CDC42BPA: variants seen among roughly 807,000 people sequenced by gnomAD.
CDC42BPA encodes the protein CDC42 binding protein kinase alpha.
CDC42BPA carries 80 observed loss-of-function variants against 223.5 expected under a neutral mutation model. The ratio of observed to expected loss-of-function variants is 0.36; its 90% confidence interval spans 0.30 to 0.43. The LOEUF (loss-of-function observed/expected upper bound fraction) is 0.43. CDC42BPA is among the 20% of genes least tolerant of loss of function. CDC42BPA has a pLI of 1.00. For missense variants in CDC42BPA, 1,743 were observed against 2,099.9 expected (o/e 0.83, Z 3.32); for synonymous variants, 694 against 718.6 (o/e 0.97, Z 0.55).
intron 1 of CDC42BPA, among the ~76,000 whole-genome samples, chr1:227,304,102 T>A (rs1187542019): frequency 6.6e-6 from 1 of 152,186 alleles, no homozygotes. Context: ...ACTACTCATA[T>A]AAGAAATCAC....
intron 5 of CDC42BPA, among the ~76,000 whole-genome samples, chr1:227,189,843 A>AGTC (rs1165579266): frequency 6.6e-6 from 1 of 152,178 alleles, no homozygotes; most frequent in African/African-American, 2.4e-5. Flanking sequence ...CAGTCTCACT[A>AGTC]GTCCCTTGTT....
At chr1:227,047,185 A>C (rs989435602) in intron 23 of CDC42BPA, among the ~76,000 whole-genome samples, 1 of 152,112 alleles carries the variant, frequency 6.6e-6, no homozygotes, top group Non-Finnish European at 1.5e-5. Context: ...TTTCATGTCA[A>C]GTATTCCCAA....
intron 3 of CDC42BPA, among the ~76,000 whole-genome samples, chr1:227,211,921 A>C (rs1673985682): frequency 6.6e-6 from 1 of 152,158 alleles, no homozygotes; most frequent in Admixed American, 6.6e-5. Context: ...ATAAAAACAA[A>C]AAAAATGTTT....
intron 6 of CDC42BPA, 89 bp downstream of exon 6, chr1:227,160,454 T>C (rs1663673947): frequency 1.1e-6 from 1 of 880,466 alleles, no homozygotes; most frequent in Non-Finnish European, 1.9e-6. Context: ...GTAGATAGTA[T>C]AAATAGATGG....
At chr1:227,003,242 T>C (rs1417847565) in intron 35 of CDC42BPA, among the ~76,000 whole-genome samples, 2 of 152,190 alleles carry the variant, frequency 1.3e-5, no homozygotes, top group African/African-American at 4.8e-5. Context: ...GACTTTTAAA[T>C]GTGAAATTGG....
At chr1:227,042,654 T>TA (rs769440930) in intron 23 of CDC42BPA, among the ~76,000 whole-genome samples, 1 of 152,132 alleles carries the variant, frequency 6.6e-6, no homozygotes, top group South Asian at 2.1e-4. Context: ...TGATCGATCT[T>TA]AGAGTCTAGA....
intron 1 of CDC42BPA, among the ~76,000 whole-genome samples, chr1:227,256,940 T>TACACACACACACACAC (rs1160019576): frequency 3.4e-5 from 4 of 117,528 alleles, no homozygotes; most frequent in African/African-American, 1.3e-4. Flanking sequence ...ATGTGATATA[T>TACACACACACACACAC]ATATACAGAC....
chr1:227,227,000 A>G (rs1331001092), intron 2 of CDC42BPA, among the ~76,000 whole-genome samples: 2 of 152,148 alleles, frequency 1.3e-5, no homozygotes, highest in South Asian at 4.1e-4. Context: ...AAACTCAAGG[A>G]GTCAAGAGAG....
intron 4 of CDC42BPA, 94 bp downstream of exon 4, chr1:227,199,463 A>G (rs1278588678): frequency 1.3e-6 from 1 of 747,554 alleles, no homozygotes. Flanking sequence ...TTAATTTTCT[A>G]TATGAAACCT....
At chr1:227,270,736 C>T (rs1265869072) in intron 1 of CDC42BPA, among the ~76,000 whole-genome samples, 4 of 152,136 alleles carry the variant, frequency 2.6e-5, no homozygotes, top group Admixed American at 6.6e-5. Flanking sequence ...AATTCCCCAT[C>T]CCCTCCCCGA....
At chr1:227,262,226 G>A (rs2148375363) in intron 1 of CDC42BPA, among the ~76,000 whole-genome samples, 1 of 152,132 alleles carries the variant, frequency 6.6e-6, no homozygotes, top group South Asian at 2.1e-4. Context: ...AAAGAACAGA[G>A]ATTTGAAAAT....
At chr1:227,237,428 C>A (rs1245143273) in intron 2 of CDC42BPA, among the ~76,000 whole-genome samples, 1 of 152,078 alleles carries the variant, frequency 6.6e-6, no homozygotes, top group Non-Finnish European at 1.5e-5. Flanking sequence ...TTCTACCTAC[C>A]TCTGTTTAAC....
At chr1:227,243,610 T>C (rs1680376463) in intron 2 of CDC42BPA, among the ~76,000 whole-genome samples, 1 of 152,144 alleles carries the variant, frequency 6.6e-6, no homozygotes, top group Admixed American at 6.6e-5. Flanking sequence ...TTCATGACCT[T>C]GAGGTTAGAA....
At chr1:227,015,573 G>C (rs1017266483) in intron 34 of CDC42BPA, among the ~76,000 whole-genome samples, 5 of 152,020 alleles carry the variant, frequency 3.3e-5, no homozygotes, top group Admixed American at 6.6e-5. Flanking sequence ...ACTTTTTCAC[G>C]TACAACTGAC....
chr1:227,146,523 A>C (rs967367348), intron 7 of CDC42BPA, among the ~76,000 whole-genome samples: 1 of 152,174 alleles, frequency 6.6e-6, no homozygotes, highest in African/African-American at 2.4e-5. Context: ...CAAATTAAAA[A>C]GAATAGATTA....
At chr1:227,268,616 G>GTATATAGTATGTA (rs1685425341) in intron 1 of CDC42BPA, among the ~76,000 whole-genome samples, 1 of 142,144 alleles carries the variant, frequency 7.0e-6, no homozygotes, top group Non-Finnish European at 1.5e-5. Context: ...TATAGTGTGT[G>GTATATAGTATGTA]TATATATATA....
At chr1:227,203,188 T>C (rs1672090896) in intron 3 of CDC42BPA, among the ~76,000 whole-genome samples, 1 of 152,160 alleles carries the variant, frequency 6.6e-6, no homozygotes, top group African/African-American at 2.4e-5. Flanking sequence ...TCCATAAATA[T>C]CTAGCTATTA....
At chr1:227,224,494 A>G (rs1266219311) in intron 2 of CDC42BPA, among the ~76,000 whole-genome samples, 1 of 152,160 alleles carries the variant, frequency 6.6e-6, no homozygotes, top group East Asian at 1.9e-4. Flanking sequence ...GGCCTCCCAA[A>G]GTGCTGGGAT....
chr1:227,281,568 G>C (rs547753688), intron 1 of CDC42BPA, among the ~76,000 whole-genome samples: 1 of 152,160 alleles, frequency 6.6e-6, no homozygotes, highest in African/African-American at 2.4e-5. Flanking sequence ...TCTCCAGCTG[G>C]TCAGTCTCCT....
Sources: gnomAD v4.1 joint callset for allele counts (sites outside exome capture counted in the v4.1 genomes callset) on GRCh38, gnomAD v4.1.1 for gene constraint, MANE v1.5 for transcripts, NCBI Gene and HGNC (gene_info 2026-07-23, HGNC 2026-07-21) for gene names.